The following MFHAS1 variants were observed in gnomAD, a reference collection of about 807,000 sequenced individuals.
MFHAS1 encodes the protein malignant fibrous histiocytoma-amplified sequence 1.
A neutral mutation model predicts 70.4 loss-of-function variants in MFHAS1; 50 were observed. The observed-to-expected ratio is 0.71, with a 90% CI of 0.57 to 0.90. The LOEUF (loss-of-function observed/expected upper bound fraction) is 0.90. MFHAS1 is among the 40% of genes least tolerant of loss of function. MFHAS1 has a pLI of 0.00. For synonymous variants in MFHAS1, 952 were observed against 620.0 expected, an observed-to-expected ratio of 1.54 and a Z score of -7.96; for missense variants, 1,795 against 1,347.6, an observed-to-expected ratio of 1.33 and a Z score of -5.20.
chr8:8,804,231 C>A (rs1303659480), intron 1 of MFHAS1, among the ~76,000 whole-genome samples: 1 of 152,138 alleles, frequency 6.6e-6, no homozygotes, highest in African/African-American at 2.4e-5. Context: ...ATGACCCTCT[C>A]CTAGAACCGT....
chr8:8,853,215 C>CA (rs202210427), intron 1 of MFHAS1, among the ~76,000 whole-genome samples: 1 of 151,508 alleles, frequency 6.6e-6, no homozygotes, highest in Admixed American at 6.6e-5. Flanking sequence ...ACATACCCCC[C>CA]AAAAAAAATG....
intron 1 of MFHAS1, among the ~76,000 whole-genome samples, chr8:8,874,290 T>TA (rs1809203358): frequency 6.6e-6 from 1 of 151,686 alleles, no homozygotes; most frequent in African/African-American, 2.4e-5. Context: ...CATCCATTGG[T>TA]AGACTACTAT....
chr8:8,795,200 G>T (rs1360055194), intron 2 of MFHAS1, among the ~76,000 whole-genome samples: 1 of 150,500 alleles, frequency 6.6e-6, no homozygotes, highest in Non-Finnish European at 1.5e-5. Context: ...GAACTTGCGG[G>T]GTATTAAAAA....
At chr8:8,866,275 G>C (rs1808853328) in intron 1 of MFHAS1, among the ~76,000 whole-genome samples, 1 of 151,342 alleles carries the variant, frequency 6.6e-6, no homozygotes, top group Non-Finnish European at 1.5e-5. Context: ...TGGGAACCTA[G>C]AACAGGGATC....
chr8:8,881,186 T>C (rs1366533621), intron 1 of MFHAS1, among the ~76,000 whole-genome samples: 3 of 152,214 alleles, frequency 2.0e-5, no homozygotes, highest in Non-Finnish European at 4.4e-5. Context: ...TTTACTCTTT[T>C]AATAAACAAA....
chr8:8,832,807 T>C (rs1807454863), intron 1 of MFHAS1, among the ~76,000 whole-genome samples: 1 of 152,144 alleles, frequency 6.6e-6, no homozygotes, highest in East Asian at 1.9e-4. Context: ...TTTTCACTTT[T>C]AATTTTTTGT....
Position 8,784,359 on chromosome 8 carries a change from A to T in MFHAS1, c.*1663T>A, listed in dbSNP as rs1326527088. The T allele has an allele frequency of 6.6e-6, 1 of 152,190 alleles. No homozygotes were observed. The highest frequency in any genetic ancestry group is 2.4e-5 in the African/African-American group (1 of 41,444). 9.4% of individuals were successfully genotyped at this position (152,190 alleles called of 1,614,324 possible). On this transcript the variant is annotated 3_prime_UTR_variant, in exon 3 of 3. Coordinates refer to ENST00000276282, the MANE Select transcript of MFHAS1 (RefSeq NM_004225.3). ...AAGGATTCACCAGATTAATCTTGTG[A>T]CTGTGTTCTAAAAGAAAATGAAATC...
chr8:8,857,856 G>A (rs1350452149), intron 1 of MFHAS1, among the ~76,000 whole-genome samples: 1 of 152,078 alleles, frequency 6.6e-6, no homozygotes, highest in East Asian at 1.9e-4. Context: ...AATACCTAAA[G>A]CAAGTTTCCC....
At chr8:8,869,458 T>C (rs750832262) in intron 1 of MFHAS1, among the ~76,000 whole-genome samples, 2 of 152,186 alleles carry the variant, frequency 1.3e-5, no homozygotes, top group Non-Finnish European at 2.9e-5. Flanking sequence ...GACAGGTTAC[T>C]AGATATTTAT....
chr8:8,823,162 A>G (rs1464820933), intron 1 of MFHAS1, among the ~76,000 whole-genome samples: 1 of 152,232 alleles, frequency 6.6e-6, no homozygotes, highest in African/African-American at 2.4e-5. Flanking sequence ...AGCTCTGACT[A>G]GAACACAGTA....
chr8:8,866,552 A>G (rs955004025), intron 1 of MFHAS1, among the ~76,000 whole-genome samples: 1 of 152,094 alleles, frequency 6.6e-6, no homozygotes, highest in African/African-American at 2.4e-5. Context: ...TCCTGGGCTC[A>G]AGCGATCCTC....
At chr8:8,792,564 C>A (rs918532698) in intron 2 of MFHAS1, among the ~76,000 whole-genome samples, 3 of 152,158 alleles carry the variant, frequency 2.0e-5, no homozygotes, top group African/African-American at 7.2e-5. Flanking sequence ...CAAGATCACG[C>A]CACTGCACTC....
chr8:8,811,262 G>A (rs1397606279), intron 1 of MFHAS1, among the ~76,000 whole-genome samples: 1 of 151,940 alleles, frequency 6.6e-6, no homozygotes, highest in African/African-American at 2.4e-5. Context: ...ACCCAGCACT[G>A]CCAAGCCTCT....
rs1810031356 is a variant in MFHAS1 at position 8,891,457 on chromosome 8, G to A, written c.1602C>T (p.Ile534=). 6.2e-7 allele frequency: 1 copy of A among 1,612,982 alleles called. No homozygotes were observed. The highest frequency in any genetic ancestry group is 8.5e-7 in the Non-Finnish European group (1 of 1,180,022). The change falls in exon 1 of 3, where the codon ATC becomes ATT. Residue 534 remains isoleucine, a synonymous_variant. Transcript: ENST00000276282. This position sits in a 1 kb window ranked among gnomAD's most constrained non-coding sequence, Gnocchi z 5.4. The part of the protein sequence containing the change: ...GARVPHAVVC[I]VGTHADLCGE... ...CGCACAGGTCTGCGTGGGTGCCCAC[G>A]ATGCACACCACCGCGTGGGGCACTC... is the stretch of plus-strand genomic sequence containing the variant.
chr8:8,802,799 G>A (rs971413585), intron 1 of MFHAS1, among the ~76,000 whole-genome samples: 1 of 152,196 alleles, frequency 6.6e-6, no homozygotes, highest in African/African-American at 2.4e-5. Flanking sequence ...CGGAAAGCAG[G>A]CTACAGAACT....
At chr8:8,884,096 A>T (rs1809655503) in intron 1 of MFHAS1, among the ~76,000 whole-genome samples, 2 of 151,706 alleles carry the variant, frequency 1.3e-5, no homozygotes, top group Admixed American at 1.3e-4. Context: ...AGAAAAAAAA[A>T]ATTAAAGAAA....
Position 8,802,617 on chromosome 8 carries a change from G to A in MFHAS1, c.2999-5126C>T, listed in dbSNP as rs546636591. Among the ~76,000 whole-genome samples, 5 of 152,296 alleles carry A rather than the reference G, an allele frequency of 3.3e-5. No individual in the cohort carries two copies. In the East Asian group the frequency reaches 7.7e-4, roughly 23 times the overall value. On this transcript the variant is annotated intron_variant, in intron 1 of 2. Transcript: ENST00000276282. ...TCCTTATAAGCTACCCAGTTACAAG[G>A]AATGAAGGGTAGGGTATGGAGCAGC...
At chr8:8,792,324 G>A (rs937237591) in intron 2 of MFHAS1, among the ~76,000 whole-genome samples, 9 of 152,050 alleles carry the variant, frequency 5.9e-5, no homozygotes, top group Admixed American at 2.0e-4. Context: ...TTTATTGGCC[G>A]GGCGCGTGGC....
At chr8:8,809,652 T>A (rs1779585974) in intron 1 of MFHAS1, among the ~76,000 whole-genome samples, 1 of 152,106 alleles carries the variant, frequency 6.6e-6, no homozygotes, top group South Asian at 2.1e-4. Context: ...CTGCTCTGGA[T>A]AAAGTTCCAG....
Sources: gnomAD v4.1 joint callset for allele counts (sites outside exome capture counted in the v4.1 genomes callset) on GRCh38, gnomAD v4.1.1 for gene constraint, Gnocchi (gnomAD v3.1) non-coding constraint, MANE v1.5 for transcripts, NCBI Gene and HGNC (gene_info 2026-07-23, HGNC 2026-07-21) for gene names.